Variants in ZFP37 observed in about 807,000 individuals in gnomAD.
The protein encoded by ZFP37 is zinc finger protein 37 homolog.
Under a neutral mutation model 52.1 loss-of-function variants are expected in ZFP37, and 38 were observed. The observed-to-expected ratio is 0.73, with a 90% confidence interval of 0.56 to 0.96. ZFP37 has a LOEUF of 0.96. ZFP37 is among the 40% of genes least tolerant of loss of function. ZFP37 has a pLI of 0.00. For missense variants in ZFP37, 695 were observed against 741.4 expected (o/e 0.94, Z 0.73); for synonymous variants, 253 against 259.5 (o/e 0.98, Z 0.24).
intron 3 of ZFP37, among the ~76,000 whole-genome samples, chr9:113,046,275 T>C (rs1828953010): frequency 6.7e-6 from 1 of 150,008 alleles, no homozygotes; most frequent in Admixed American, 6.7e-5. Flanking sequence ...TACAGGCAGA[T>C]ATATATCTAT....
At chr9:113,054,554 G>A (rs570950840) in intron 1 of ZFP37, among the ~76,000 whole-genome samples, 1 of 152,224 alleles carries the variant, frequency 6.6e-6, no homozygotes, top group South Asian at 2.1e-4. Flanking sequence ...GATGTGCAAT[G>A]AGCATTTTGA....
rs1167913318 is a variant in ZFP37, at chr9:113,043,265, GTGT to G, written c.1350_1352del (p.Lys450_His451delinsAsn). 6.2e-7 allele frequency: 1 copy of G among 1,613,878 alleles called. No homozygotes were observed. Among genetic ancestry groups the G allele is most frequent in the East Asian group, 2.2e-5 (1 of 44,874 alleles). The stretch of plus-strand genomic sequence containing the variant: ...GTTTCTCACCTGTATGAATTCTCAT[GTGT>G]TTAGTAAGGGATGAGCTATACTTAA... On this transcript the variant is annotated inframe_deletion, in exon 4 of 4. Coordinates refer to ENST00000374227, the MANE Select transcript of ZFP37 (RefSeq NM_003408.3).
intron 3 of ZFP37, among the ~76,000 whole-genome samples, chr9:113,044,679 T>C (rs1828921222): frequency 6.6e-6 from 1 of 152,136 alleles, no homozygotes; most frequent in Non-Finnish European, 1.5e-5. Flanking sequence ...GCCTATACTA[T>C]ATTACCCCAA....
intron 3 of ZFP37, among the ~76,000 whole-genome samples, chr9:113,045,853 C>A (rs935827868): frequency 6.6e-6 from 1 of 152,046 alleles, no homozygotes; most frequent in Non-Finnish European, 1.5e-5. Flanking sequence ...CAGCTACATG[C>A]TATAGCATGG....
At chr9:113,046,362 T>C (rs931425003) in intron 3 of ZFP37, among the ~76,000 whole-genome samples, 5 of 151,504 alleles carry the variant, frequency 3.3e-5, no homozygotes, top group Non-Finnish European at 7.4e-5. Flanking sequence ...ATGCAGAGAG[T>C]ATAACAAACT....
In ZFP37 at chr9:113,056,637, G is replaced by A. The variant is rs1483425305; in HGVS notation, c.52C>T (p.Arg18Trp). ...QILTKPETVD[R>W]RRSAETTKEA... Reference sequence around the variant, plus strand: ...TTGGTCGTTTCCGCACTTCTCCTCCGGTCCACGGTCTCTGGCTTTGTCAGA... The same window carrying A: ...TTGGTCGTTTCCGCACTTCTCCTCCAGTCCACGGTCTCTGGCTTTGTCAGA... Residue 18 changes from arginine (R) to tryptophan (W), a missense_variant, in exon 1 of 4, where the codon CGG becomes TGG. Physicochemically the swap from Arg to Trp is moderately radical, Grantham distance 101. This residue lies in a region of ZFP37 where 369 missense variants were observed against 340.9 expected (regional missense o/e 1.08). Coordinates refer to ENST00000374227, the MANE Select transcript of ZFP37 (RefSeq NM_003408.3). 12 of 1,613,818 alleles carry A rather than the reference G, an allele frequency of 7.4e-6. No homozygotes were observed. The highest frequency in any genetic ancestry group is 1.0e-5 in the Non-Finnish European group (12 of 1,179,992).
chr9:113,051,390 T>A (rs764560087), intron 1 of ZFP37, among the ~76,000 whole-genome samples: 1 of 152,114 alleles, frequency 6.6e-6, no homozygotes, highest in Non-Finnish European at 1.5e-5. Context: ...AACATGTTTG[T>A]CTAACATTTA....
At chr9:113,046,492 T>G (rs1828959205) in intron 3 of ZFP37, among the ~76,000 whole-genome samples, 1 of 152,092 alleles carries the variant, frequency 6.6e-6, no homozygotes, top group Admixed American at 6.5e-5. Context: ...TGACATGTAA[T>G]ATTATAAGAA....
In ZFP37 at chr9:113,039,920, A is replaced by G. The variant is rs1828819528; in HGVS notation, c.*2805T>C. ...GACCAGCAGCACAGGAATCCACTGG[A>G]AACTTATTAAAATGCAAATTCTCAA... is the stretch of plus-strand genomic sequence containing the variant. On this transcript the variant is annotated 3_prime_UTR_variant, in exon 4 of 4. Transcript: ENST00000374227. The G allele has an allele frequency of 6.6e-6, 1 of 152,206 alleles. No homozygotes were observed. Among genetic ancestry groups the G allele is most frequent in the Non-Finnish European group, 1.5e-5 (1 of 68,038 alleles). 9.4% of individuals were successfully genotyped at this position (152,206 alleles called of 1,614,324 possible).
intron 1 of ZFP37, among the ~76,000 whole-genome samples, chr9:113,055,095 CTG>C (rs1188743172): frequency 1.3e-5 from 2 of 152,228 alleles, no homozygotes; most frequent in Non-Finnish European, 2.9e-5. Context: ...TTCCCTCTGA[CTG>C]TGCTCCAACA....
intron 3 of ZFP37, among the ~76,000 whole-genome samples, chr9:113,046,038 T>G (rs1038556625): frequency 2.0e-5 from 3 of 151,954 alleles, no homozygotes; most frequent in Non-Finnish European, 4.4e-5. Context: ...TTACGGTATC[T>G]GAATGGATAG....
chr9:113,049,718 C>T, intron 2 of ZFP37, 73 bp downstream of exon 2: 1 of 1,564,310 alleles, frequency 6.4e-7, no homozygotes, highest in Non-Finnish European at 8.7e-7. Context: ...AAATGAAGGC[C>T]AAACTTATCA....
In ZFP37 at chr9:113,043,991, CT is replaced by C; in HGVS notation, c.626del (p.Lys209ArgfsTer82). The C allele has an allele frequency of 6.2e-7, 1 of 1,613,982 alleles. No homozygotes were observed. Among genetic ancestry groups the C allele is most frequent in the Non-Finnish European group, 8.5e-7 (1 of 1,179,948 alleles). ...CAGATAAGCTATGGTTGAATGACTT[CT>C]TGTGTTCTTTAGCTGCATCAGATTT... ...KRKSDAAKEH[K>X]KSFNHSLSDT... On this transcript the variant is annotated frameshift_variant, in exon 4 of 4. Transcript: ENST00000374227. LOFTEE classifies it high-confidence loss of function.
chr9:113,048,241 T>C (rs752308939), intron 3 of ZFP37, among the ~76,000 whole-genome samples: 1 of 151,994 alleles, frequency 6.6e-6, no homozygotes, highest in East Asian at 1.9e-4. Flanking sequence ...AAGGAGAAAA[T>C]GGAAATGATG....
intron 3 of ZFP37, among the ~76,000 whole-genome samples, chr9:113,046,643 G>GAGCA (rs1432784764): frequency 6.6e-6 from 1 of 152,172 alleles, no homozygotes; most frequent in Non-Finnish European, 1.5e-5. Context: ...GGGTCTGGAA[G>GAGCA]AGCAATTGAC....
Position 113,052,845 on chromosome 9 carries a change from G to C in ZFP37, c.133-2973C>G, listed in dbSNP as rs1345627278. Among the ~76,000 whole-genome samples the C allele has an allele frequency of 2.0e-5, 3 of 152,162 alleles. No individual in the cohort carries two copies. Among genetic ancestry groups the C allele is most frequent in the African/African-American group, 7.2e-5 (3 of 41,436 alleles). On this transcript the variant is annotated intron_variant, in intron 1 of 3. Coordinates refer to ENST00000374227, the MANE Select transcript of ZFP37 (RefSeq NM_003408.3). This position sits in a 1 kb window ranked among gnomAD's most constrained non-coding sequence, Gnocchi z 4.1. ...ATCCTTCCTGAAATCTAATTTCCCA[G>C]ATGACAGCAAAAAGCAGACCTTGCA...
chr9:113,044,362 AT>A, intron 3 of ZFP37, 94 bp from the exon 4 acceptor site: 1 of 1,175,404 alleles, frequency 8.5e-7, no homozygotes, highest in Non-Finnish European at 1.2e-6. Flanking sequence ...GTAGGGTTAA[AT>A]TTTTATTCAA....
In ZFP37 at chr9:113,044,300, A is replaced by C. The variant is rs200131585; in HGVS notation, c.350-32T>G. 1.4e-4 allele frequency: 219 copies of C among 1,516,014 alleles called. No individual in the cohort carries two copies. The East Asian group carries it at 4.8e-3, about 33-fold the overall frequency. 93.9% of individuals were successfully genotyped at this position (1,516,014 alleles called of 1,614,324 possible). On this transcript the variant is annotated intron_variant, in intron 3 of 3. Transcript: ENST00000374227. ...TGGAATTCAGTGAGATATTCTTGTG[A>C]ATCTTTGTACTCTTATATTTTGGAA...
chr9:113,043,158 T>C lies in ZFP37; in HGVS notation c.1460A>G (p.Lys487Arg). ...TCCACACTCATTACATTTATAAGGTTTCTCCTTAGTATGAGTTCTTTGATG... is the reference window on the plus strand; with the variant it reads ...TCCACACTCATTACATTTATAAGGTCTCTCCTTAGTATGAGTTCTTTGATG... The part of the protein sequence containing the change: ...IIHQRTHTKE[K>R]PYKCNECGKA... The change falls in exon 4 of 4, where the codon AAA becomes AGA. Residue 487 changes from lysine (K) to arginine (R), a missense_variant. Lys to Arg is a conservative substitution (Grantham distance 26, BLOSUM62 2). Transcript: ENST00000374227. 1 of 1,613,846 alleles carries C rather than the reference T, an allele frequency of 6.2e-7. No individual in the cohort carries two copies. Among genetic ancestry groups the C allele is most frequent in the South Asian group, 1.1e-5 (1 of 91,074 alleles).
Sources: gnomAD v4.1 joint callset for allele counts (sites outside exome capture counted in the v4.1 genomes callset) on GRCh38, gnomAD v4.1.1 for gene constraint, gnomAD v4.1.1 regional missense constraint, Gnocchi (gnomAD v3.1) non-coding constraint, MANE v1.5 for transcripts, NCBI Gene and HGNC (gene_info 2026-07-23, HGNC 2026-07-21) for gene names.